The following CCNB3 variants were observed in gnomAD, a reference collection of about 807,000 sequenced individuals.
CCNB3 encodes cyclin B3.
A neutral mutation model predicts 68.0 loss-of-function variants in CCNB3; 12 were observed. The observed-to-expected ratio is 0.18, with a 90% confidence interval of 0.11 to 0.29. CCNB3 has a LOEUF of 0.29. Among genes scored for constraint, CCNB3 ranks in the 10% least tolerant of loss-of-function variants. The probability of loss-of-function intolerance (pLI) is 1.00; values close to 1 mark genes in which losing one functional copy is unlikely to be tolerated. For synonymous variants in CCNB3, 354 were observed against 388.9 expected, an observed-to-expected ratio of 0.91 and a Z score of 1.06; for missense variants, 904 against 993.1, an observed-to-expected ratio of 0.91 and a Z score of 1.21.
intron 5 of CCNB3, among the ~76,000 whole-genome samples, chrX:50,302,239 G>A (rs1241398456): frequency 8.9e-6 from 1 of 111,910 alleles, no homozygotes; most frequent in Non-Finnish European, 1.9e-5. Context: ...GCTGGGAGCT[G>A]TAGACTGGAG....
At position 50,309,005 on chromosome X, in the gene CCNB3, C is replaced by T. The variant is rs782602747; in HGVS notation, c.836C>T (p.Pro279Leu). ...AAGCCTAAAACTGAGGAGTCAATCCCCACCCATAAGTTATCATCTTTAAAG... is the reference window on the plus strand; with the variant it reads ...AAGCCTAAAACTGAGGAGTCAATCCTCACCCATAAGTTATCATCTTTAAAG... ...KKKPKTEESI[P>L]THKLSSLKKK... is the part of the protein sequence containing the mutation. Residue 279 changes from proline (P) to leucine (L), a missense_variant, in exon 6 of 13, where the codon CCC becomes CTC. Coordinates refer to ENST00000376042, the MANE Select transcript of CCNB3 (RefSeq NM_033031.3). 16 of 1,208,603 alleles carry T rather than the reference C, an allele frequency of 1.3e-5. No homozygotes were observed. In the African/African-American group the frequency reaches 2.3e-4, roughly 17 times the overall value.
chrX:50,311,684 G>A (rs1557215073), intron 6 of CCNB3, among the ~76,000 whole-genome samples, 188 bp downstream of exon 6: 1 of 108,976 alleles, frequency 9.2e-6, no homozygotes, highest in African/African-American at 3.4e-5. Context: ...GTGAGAGGGT[G>A]ATATTTCTTA....
intron 8 of CCNB3, among the ~76,000 whole-genome samples, chrX:50,331,639 A>G (rs1390100875): frequency 1.8e-5 from 2 of 111,676 alleles, no homozygotes; most frequent in Non-Finnish European, 3.8e-5. Context: ...CATACATAAC[A>G]TGAAGTGACA....
chrX:50,226,438 T>A (rs1935805649), intron 1 of CCNB3, among the ~76,000 whole-genome samples: 1 of 69,370 alleles, frequency 1.4e-5, no homozygotes, highest in African/African-American at 6.0e-5. Context: ...TATATAAAAA[T>A]ATATATAGAA....
chrX:50,228,801 GATATATAGAATAT>G (rs1378045083), intron 1 of CCNB3, among the ~76,000 whole-genome samples: 5 of 43,403 alleles, frequency 1.2e-4, no homozygotes, highest in East Asian at 6.2e-4. Flanking sequence ...ATATAGAATA[GATATATAGAATAT>G]ATATATAGAA....
At position 50,280,570 on chromosome X, in the gene CCNB3, C is replaced by G. The variant is rs951057095; in HGVS notation, c.-112-3972C>G. On this transcript the variant is annotated intron_variant, in intron 1 of 12. Coordinates refer to ENST00000376042, the MANE Select transcript of CCNB3 (RefSeq NM_033031.3). ...CTATTAGCTCTCTGCACTTTGGGTCCTCATTCACAAAATAGGGGCAGTAAC... is the reference window on the plus strand; with the variant it reads ...CTATTAGCTCTCTGCACTTTGGGTCGTCATTCACAAAATAGGGGCAGTAAC... Among the ~76,000 whole-genome samples, 3 of 109,140 alleles carry G rather than the reference C, an allele frequency of 2.7e-5. No individual in the cohort carries two copies. The Admixed American group carries it at 3.0e-4, about 11-fold the overall frequency. The allele number at this position is 109,140 out of a possible 115,157, so 94.8% of individuals were successfully genotyped here.
At chrX:50,228,037 G>T (rs1312280455) in intron 1 of CCNB3, among the ~76,000 whole-genome samples, 1 of 70,558 alleles carries the variant, frequency 1.4e-5, no homozygotes, top group Non-Finnish European at 2.6e-5. Context: ...TATATATAGA[G>T]AGAATATATA....
At chrX:50,338,216 C>T (rs868944268) in intron 8 of CCNB3, among the ~76,000 whole-genome samples, 5 of 112,303 alleles carry the variant, frequency 4.5e-5, no homozygotes, top group Admixed American at 9.4e-5. Flanking sequence ...CTGCCTTGAC[C>T]GTCCATTAAT....
intron 5 of CCNB3, among the ~76,000 whole-genome samples, chrX:50,299,766 C>G (rs1263161538): frequency 9.0e-6 from 1 of 111,112 alleles, no homozygotes; most frequent in Admixed American, 9.6e-5. Flanking sequence ...GTGTGGGAGT[C>G]TAAGTCTCTT....
intron 4 of CCNB3, among the ~76,000 whole-genome samples, chrX:50,289,459 T>C (rs1342926374): frequency 9.0e-6 from 1 of 111,702 alleles, no homozygotes; most frequent in African/African-American, 3.3e-5. Context: ...TTCTCTCAAG[T>C]AACCTCCCTT....
intron 11 of CCNB3, 108 bp downstream of exon 11, chrX:50,347,883 T>C (rs1923484586): frequency 1.3e-6 from 1 of 772,808 alleles, no homozygotes; most frequent in Non-Finnish European, 1.8e-6. Context: ...GGGACAAAAC[T>C]GACACATATT....
At chrX:50,216,802 T>C (rs1178519532) in intron 1 of CCNB3, among the ~76,000 whole-genome samples, 1 of 111,122 alleles carries the variant, frequency 9.0e-6, no homozygotes, top group African/African-American at 3.3e-5. Flanking sequence ...TATAGTGGTT[T>C]TGAGTGTCTC....
chrX:50,279,941 T>C (rs1415404390), intron 1 of CCNB3, among the ~76,000 whole-genome samples: 1 of 84,997 alleles, frequency 1.2e-5, no homozygotes, highest in Non-Finnish European at 2.1e-5. Flanking sequence ...TATGTATTTA[T>C]AATATATATA....
At chrX:50,225,898 C>T (rs1033263110) in intron 1 of CCNB3, among the ~76,000 whole-genome samples, 2,374 of 101,653 alleles carry the variant, frequency 0.023, 64 homozygotes, top group African/African-American at 0.081. Flanking sequence ...AGTTTAGGGC[C>T]AGCTTTTAGA....
rs1240588821 is a variant in CCNB3, at chrX:50,228,720, AAT to A, written c.-113+23778_-113+23779del. 2.6e-3 allele frequency among the ~76,000 whole-genome samples: 165 copies of A among 62,812 alleles called. 2 individuals carry two copies. The highest frequency in any genetic ancestry group is 9.3e-3 in the African/African-American group (155 of 16,591). 54.5% of individuals were successfully genotyped at this position (62,812 alleles called of 115,157 possible). The stretch of plus-strand genomic sequence containing the variant: ...GAATATATATAGAATATATATAAAG[AAT>A]ATATATAGAATATAGAAACATATAG... On this transcript the variant is annotated intron_variant, in intron 1 of 12. Coordinates refer to ENST00000376042, the MANE Select transcript of CCNB3 (RefSeq NM_033031.3).
At chrX:50,226,125 CG>C (rs1205485930) in intron 1 of CCNB3, among the ~76,000 whole-genome samples, 5 of 63,931 alleles carry the variant, frequency 7.8e-5, no homozygotes, top group African/African-American at 1.8e-4. Flanking sequence ...TATATATATT[CG>C]ATATATATAA....
At chrX:50,317,696 A>G (rs1208363984) in intron 8 of CCNB3, among the ~76,000 whole-genome samples, 1 of 109,766 alleles carries the variant, frequency 9.1e-6, no homozygotes, top group Non-Finnish European at 1.9e-5. Flanking sequence ...CAGCCTTCCC[A>G]GTAACTGGAA....
At chrX:50,295,708 ATTTGCT>A (rs1936442791) in intron 5 of CCNB3, among the ~76,000 whole-genome samples, 1 of 111,320 alleles carries the variant, frequency 9.0e-6, no homozygotes, top group African/African-American at 3.3e-5. Flanking sequence ...CTTTTCAGTT[ATTTGCT>A]AGCCAGAAGG....
At chrX:50,333,211 G>T (rs960081461) in intron 8 of CCNB3, among the ~76,000 whole-genome samples, 11 of 111,096 alleles carry the variant, frequency 9.9e-5, no homozygotes, top group Non-Finnish European at 2.1e-4. Context: ...CCCATTATCC[G>T]AGCCGATTCA....
Sources: gnomAD v4.1 joint callset for allele counts (sites outside exome capture counted in the v4.1 genomes callset) on GRCh38, gnomAD v4.1.1 for gene constraint, MANE v1.5 for transcripts, NCBI Gene and HGNC (gene_info 2026-07-23, HGNC 2026-07-21) for gene names.